Variants in NBAS observed in about 807,000 individuals in gnomAD.
NBAS encodes NAG/BC035112 fusion.
In NBAS, 219 loss-of-function variants were observed where a neutral mutation model predicts 302.5. The ratio of observed to expected loss-of-function variants is 0.72; its 90% CI spans 0.65 to 0.81. The LOEUF is 0.81. NBAS is among the 30% of genes least tolerant of loss of function. The pLI, the probability that NBAS is intolerant of heterozygous loss-of-function variation, is 0.00. For synonymous variants in NBAS, 1,118 were observed against 1,021.6 expected (o/e 1.09, Z -1.80); for missense variants, 2,932 against 2,841.6 (o/e 1.03, Z -0.72).
At position 15,427,706 on chromosome 2, in the gene NBAS, C is replaced by T. The variant is rs1677546833; in HGVS notation, c.2423+5G>A. On this transcript the variant is annotated splice_donor_5th_base_variant and intron_variant, in intron 22 of 51. Coordinates refer to ENST00000281513, the MANE Select transcript of NBAS (RefSeq NM_015909.4). ...CAAAGATGCCTCCTGCAGGCTCATA[C>T]TGACCTGCAAGCCAACTCCTCGCAC... The T allele has an allele frequency of 6.2e-7, 1 of 1,605,546 alleles. No individual in the cohort carries two copies.
chr2:15,235,461 A>G (rs1443769714), intron 45 of NBAS, among the ~76,000 whole-genome samples: 1 of 152,248 alleles, frequency 6.6e-6, no homozygotes, highest in African/African-American at 2.4e-5. Flanking sequence ...GGCATACCAA[A>G]TACAGTCACT....
At chr2:15,023,811 A>C in the NBAS span, among the ~76,000 whole-genome samples, 1 of 150,938 alleles carries the variant, frequency 6.6e-6, no homozygotes, top group Admixed American at 6.6e-5. Context: ...AATATTAAAA[A>C]TATTCACACT....
At chr2:15,437,133 A>G (rs1393715384) in intron 21 of NBAS, among the ~76,000 whole-genome samples, 1 of 151,898 alleles carries the variant, frequency 6.6e-6, no homozygotes, top group Non-Finnish European at 1.5e-5. Context: ...CAACAATGCA[A>G]TGTTCTATGG....
At chr2:14,877,428 G>A in the NBAS span, among the ~76,000 whole-genome samples, 5 of 152,086 alleles carry the variant, frequency 3.3e-5, no homozygotes, top group Non-Finnish European at 5.9e-5. Flanking sequence ...TCCCTTATCA[G>A]ACCTAGCATT....
chr2:14,838,117 G>A, the NBAS span, among the ~76,000 whole-genome samples: 1 of 151,884 alleles, frequency 6.6e-6, no homozygotes, highest in South Asian at 2.1e-4. Context: ...TCTGTCACCT[G>A]ATAACGCTCA....
the NBAS span, among the ~76,000 whole-genome samples, chr2:14,828,912 A>C: frequency 2.0e-5 from 3 of 152,190 alleles, no homozygotes; most frequent in Non-Finnish European, 4.4e-5. Context: ...TAAAAATATA[A>C]CAAAACATTA....
At chr2:15,393,747 T>C (rs1675726888) in intron 28 of NBAS, 1 of 470,242 alleles carries the variant, frequency 2.1e-6, no homozygotes, top group Non-Finnish European at 4.4e-6. Context: ...ATCCATACAA[T>C]GAAATACCAT....
intron 9 of NBAS, among the ~76,000 whole-genome samples, chr2:15,527,312 C>T (rs16862750): frequency 0.062 from 9,447 of 152,214 alleles, 909 homozygotes; most frequent in African/African-American, 0.21. Context: ...CTTCAAGTAG[C>T]TGATAGTCTA....
the NBAS span, among the ~76,000 whole-genome samples, chr2:14,918,271 T>C: frequency 6.7e-6 from 1 of 148,302 alleles, no homozygotes; most frequent in Non-Finnish European, 1.5e-5. Flanking sequence ...GACATGAGGA[T>C]GTAAACAAGA....
the NBAS span, among the ~76,000 whole-genome samples, chr2:14,979,311 C>T: frequency 1.4e-3 from 218 of 152,220 alleles, no homozygotes; most frequent in Admixed American, 2.6e-3. Context: ...TAGTCATTGT[C>T]TGCTAGTGTC....
chr2:15,324,406 C>G (rs1182121683), intron 38 of NBAS, among the ~76,000 whole-genome samples: 1 of 152,140 alleles, frequency 6.6e-6, no homozygotes, highest in Non-Finnish European at 1.5e-5. Flanking sequence ...AGTTTTAAAT[C>G]TTCTTTGCCT....
chr2:14,807,819 C>T, the NBAS span, among the ~76,000 whole-genome samples: 1,652 of 152,202 alleles, frequency 0.011, 31 homozygotes, highest in African/African-American at 0.036. Flanking sequence ...TAGTAACAAA[C>T]GCTCTGAAGA....
the NBAS span, among the ~76,000 whole-genome samples, chr2:15,150,405 T>A: frequency 6.6e-6 from 1 of 152,176 alleles, no homozygotes; most frequent in African/African-American, 2.4e-5. Context: ...TCTTAAGATA[T>A]GCAATTTGAG....
In NBAS at chr2:15,172,438, T is replaced by C. The variant is rs1303051410; in HGVS notation, c.6841-5115A>G. ...CATTCTAACCTATTGTTTACAGTTC[T>C]GTTTCGGTTGTTTTTTGTTGTATAG... On this transcript the variant is annotated intron_variant, in intron 51 of 51. Coordinates refer to ENST00000281513, the MANE Select transcript of NBAS (RefSeq NM_015909.4). Among the ~76,000 whole-genome samples the C allele has an allele frequency of 2.6e-5, 4 of 152,210 alleles. No individual in the cohort carries two copies. The East Asian group carries it at 7.7e-4, about 29-fold the overall frequency.
intron 11 of NBAS, among the ~76,000 whole-genome samples, chr2:15,492,206 C>G (rs578026399): frequency 6.6e-6 from 1 of 152,314 alleles, no homozygotes; most frequent in South Asian, 2.1e-4. Flanking sequence ...ATTTACCCTT[C>G]CCCAGTCACC....
At chr2:14,922,263 C>G in the NBAS span, among the ~76,000 whole-genome samples, 7 of 152,098 alleles carry the variant, frequency 4.6e-5, no homozygotes, top group African/African-American at 1.7e-4. Context: ...GTAAGATAAG[C>G]AGGTAGGGCT....
chr2:15,255,070 G>A (rs533980292), intron 44 of NBAS, among the ~76,000 whole-genome samples: 12 of 152,120 alleles, frequency 7.9e-5, no homozygotes, highest in Admixed American at 5.2e-4. Context: ...CTTTTCTTCC[G>A]GGTTAAATAC....
At chr2:15,421,240 A>G (rs1297213321) in intron 23 of NBAS, among the ~76,000 whole-genome samples, 2 of 152,250 alleles carry the variant, frequency 1.3e-5, no homozygotes, top group East Asian at 3.8e-4. Context: ...TAGTCTGAAC[A>G]CACAGTACAT....
At chr2:15,303,563 T>C (rs1013943926) in intron 40 of NBAS, among the ~76,000 whole-genome samples, 2 of 152,142 alleles carry the variant, frequency 1.3e-5, no homozygotes, top group South Asian at 2.1e-4. Flanking sequence ...ACACCCCAAA[T>C]AGGGTTTCCT....
Sources: allele counts gnomAD v4.1 joint callset (sites outside exome capture counted in the v4.1 genomes callset), GRCh38; gene constraint gnomAD v4.1.1; transcripts MANE v1.5; gene names NCBI Gene and HGNC (gene_info 2026-07-23, HGNC 2026-07-21).